The following PSMD1 variants were observed in gnomAD, a reference collection of about 807,000 sequenced individuals.
The protein encoded by PSMD1 is 26S proteasome non-ATPase regulatory subunit 1.
In PSMD1, 18 loss-of-function variants were observed where a neutral mutation model predicts 119.0. The observed-to-expected ratio is 0.15, with a 90% CI of 0.10 to 0.22. The LOEUF (loss-of-function observed/expected upper bound fraction) is 0.22. PSMD1 is among the 10% of genes least tolerant of loss of function. PSMD1 has a pLI of 1.00. For synonymous variants in PSMD1, 374 were observed against 396.6 expected (o/e 0.94, Z 0.68); for missense variants, 702 against 1,158.5 (o/e 0.61, Z 5.72).
chr2:231,164,044 T>G (rs1426744253), intron 21 of PSMD1, among the ~76,000 whole-genome samples: 1 of 152,196 alleles, frequency 6.6e-6, no homozygotes, highest in Non-Finnish European at 1.5e-5. Flanking sequence ...TTTTTATTTT[T>G]AAAACTTTCA....
intron 23 of PSMD1, among the ~76,000 whole-genome samples, chr2:231,167,984 G>A (rs1696827325): frequency 6.6e-6 from 1 of 152,202 alleles, no homozygotes; most frequent in African/African-American, 2.4e-5. Context: ...GGAGGCCAAG[G>A]CAGGAGGATT....
chr2:231,109,179 A>G (rs769386577), intron 16 of PSMD1: 10 of 1,614,110 alleles, frequency 6.2e-6, no homozygotes, highest in East Asian at 2.2e-5. Context: ...GACACAGTCA[A>G]CCATGTTAGG....
intron 10 of PSMD1, 101 bp downstream of exon 10, chr2:231,078,848 G>A: frequency 2.5e-6 from 2 of 792,952 alleles, no homozygotes; most frequent in Non-Finnish European, 3.7e-6. Flanking sequence ...AGGCCGGAGG[G>A]CAGTGATGCG....
chr2:231,085,642 T>C (rs1694413629), intron 15 of PSMD1, among the ~76,000 whole-genome samples: 1 of 147,236 alleles, frequency 6.8e-6, no homozygotes, highest in Admixed American at 6.9e-5. Context: ...AAGCAAACAA[T>C]CCCCCACCCC....
At chr2:231,109,342 A>G (rs139381111) in intron 16 of PSMD1, 450 of 1,613,990 alleles carry the variant, frequency 2.8e-4, no homozygotes, top group Non-Finnish European at 3.5e-4. Flanking sequence ...TTGTCAGCAC[A>G]CAAGTGATAT....
chr2:231,063,688 T>C (rs1693818208), intron 4 of PSMD1, among the ~76,000 whole-genome samples: 1 of 152,246 alleles, frequency 6.6e-6, no homozygotes, highest in South Asian at 2.1e-4. Flanking sequence ...GCTCATTGAA[T>C]TGAGCTGTCA....
At chr2:231,147,592 TCATTCTAC>T (rs1282965214) in intron 18 of PSMD1, among the ~76,000 whole-genome samples, 1 of 152,232 alleles carries the variant, frequency 6.6e-6, no homozygotes, top group African/African-American at 2.4e-5. Flanking sequence ...CCAAAACTTC[TCATTCTAC>T]TAAGAAACAG....
intron 16 of PSMD1, among the ~76,000 whole-genome samples, chr2:231,138,490 A>G (rs1264936517): frequency 1.3e-5 from 2 of 152,212 alleles, no homozygotes; most frequent in African/African-American, 4.8e-5. Flanking sequence ...ATCCAGACCT[A>G]TGGCTGAGGA....
chr2:231,170,644 G>A lies in PSMD1; in HGVS notation c.2794G>A (p.Gly932Ser). ...EELVEPVAAH[G>S]PKIEEEEQEP... ...GCTGGTGGAACCTGTGGCAGCACATGGCCCAAAAATCGAGGAGGAGGAACA... is the reference window on the plus strand; with the variant it reads ...GCTGGTGGAACCTGTGGCAGCACATAGCCCAAAAATCGAGGAGGAGGAACA... The change falls in exon 24 of 25, where the codon GGC becomes AGC. Residue 932 changes from glycine (G) to serine (S), a missense_variant. Physicochemically the swap from Gly to Ser is moderately conservative, Grantham distance 56 (BLOSUM62 0). This residue lies in a region of PSMD1 where 152 missense variants were observed against 239.3 expected (regional missense o/e 0.64). Transcript: ENST00000308696. The surrounding 1 kb of genome is among the most constrained non-coding windows in gnomAD (Gnocchi z 4.1). 6.2e-7 allele frequency: 1 copy of A among 1,614,080 alleles called. No individual in the cohort carries two copies. Among genetic ancestry groups the A allele is most frequent in the Non-Finnish European group, 8.5e-7 (1 of 1,179,992 alleles).
chr2:231,132,817 ATT>A (rs1193203103), intron 16 of PSMD1, among the ~76,000 whole-genome samples: 2 of 152,240 alleles, frequency 1.3e-5, no homozygotes, highest in Non-Finnish European at 2.9e-5. Flanking sequence ...TCACTATGTT[ATT>A]TCCAGTGAGA....
intron 1 of PSMD1, among the ~76,000 whole-genome samples, chr2:231,059,240 TTAAGTTTA>T (rs1693696997): frequency 6.6e-6 from 1 of 152,228 alleles, no homozygotes; most frequent in South Asian, 2.1e-4. Flanking sequence ...TTACTGCCAT[TTAAGTTTA>T]TTGGATTACT....
At chr2:231,143,447 C>G (rs779815257) in intron 17 of PSMD1, among the ~76,000 whole-genome samples, 2 of 152,186 alleles carry the variant, frequency 1.3e-5, no homozygotes, top group Admixed American at 6.5e-5. Flanking sequence ...TCAGGCTGGT[C>G]TCGGACTCCT....
rs527898681 is a variant in PSMD1 at position 231,140,853 on chromosome 2, G to T, written c.1998+2003G>T. Among the ~76,000 whole-genome samples, 6 of 151,838 alleles carry T rather than the reference G, an allele frequency of 4.0e-5. No homozygotes were observed. In the South Asian group the frequency reaches 1.2e-3, roughly 32 times the overall value. On this transcript the variant is annotated intron_variant, in intron 17 of 24. Transcript: ENST00000308696. The stretch of plus-strand genomic sequence containing the variant: ...AGATCATGCCCTTGCACTTTAGCCT[G>T]GGGGACAAGGGTGAAACTCCATCTC...
At chr2:231,090,359 TGGTG>T (rs1694560554) in intron 16 of PSMD1, among the ~76,000 whole-genome samples, 1 of 152,150 alleles carries the variant, frequency 6.6e-6, no homozygotes, top group African/African-American at 2.4e-5. Context: ...CTGGCTGACA[TGGTG>T]AAACCCTGTC....
intron 16 of PSMD1, among the ~76,000 whole-genome samples, chr2:231,093,613 A>G (rs942616708): frequency 6.6e-6 from 1 of 152,088 alleles, no homozygotes; most frequent in Non-Finnish European, 1.5e-5. Context: ...ATACATTACT[A>G]TTTACATTTT....
chr2:231,100,705 A>G (rs1295272902), intron 16 of PSMD1, among the ~76,000 whole-genome samples: 2 of 152,218 alleles, frequency 1.3e-5, no homozygotes, highest in African/African-American at 2.4e-5. Flanking sequence ...AACAGTTTGC[A>G]TTAGGTCCCT....
chr2:231,124,563 G>A (rs1389012171), intron 16 of PSMD1, among the ~76,000 whole-genome samples: 1 of 151,880 alleles, frequency 6.6e-6, no homozygotes, highest in African/African-American at 2.4e-5. Context: ...TGTCATTTTA[G>A]ATTTCCTTTA....
chr2:231,098,230 G>T (rs1343871784), intron 16 of PSMD1, among the ~76,000 whole-genome samples: 1 of 152,220 alleles, frequency 6.6e-6, no homozygotes, highest in African/African-American at 2.4e-5. Flanking sequence ...GTGCTTTCTG[G>T]CTACACCCTT....
rs1321369052 is a variant in PSMD1 at position 231,078,663 on chromosome 2, C to T, written c.1076C>T (p.Ala359Val). ...ATTCTGTATTTGTTGTTGCAGGATGCAGTACGGAATTCTGTATGTCATACT... is the reference window on the plus strand; with the variant it reads ...ATTCTGTATTTGTTGTTGCAGGATGTAGTACGGAATTCTGTATGTCATACT... Reference protein sequence around the residue: ...DLMILKNTKDAVRNSVCHTAT... With the variant: ...DLMILKNTKDVVRNSVCHTAT... Residue 359 changes from alanine to valine, a missense_variant, in exon 10 of 25, where the codon GCA becomes GTA. Ala to Val is a moderately conservative substitution (Grantham distance 64, BLOSUM62 0). Transcript: ENST00000308696. 6.2e-7 allele frequency: 1 copy of T among 1,601,718 alleles called. No homozygotes were observed. Among genetic ancestry groups the T allele is most frequent in the Non-Finnish European group, 8.5e-7 (1 of 1,175,430 alleles).
Sources: allele counts gnomAD v4.1 joint callset (sites outside exome capture counted in the v4.1 genomes callset), GRCh38; gene constraint gnomAD v4.1.1; regional missense constraint gnomAD v4.1.1; non-coding constraint Gnocchi (gnomAD v3.1); transcripts MANE v1.5; gene names NCBI Gene and HGNC (gene_info 2026-07-23, HGNC 2026-07-21).